The following DIP2A variants were observed in gnomAD, a reference collection of about 807,000 sequenced individuals.
DIP2A encodes DIP2 acetate--CoA ligase A.
DIP2A carries 85 observed loss-of-function variants against 177.4 expected under a neutral mutation model. The observed-to-expected ratio is 0.48, with a 90% confidence interval of 0.40 to 0.57. DIP2A has a LOEUF of 0.57. DIP2A is among the 20% of genes least tolerant of loss of function. DIP2A has a pLI of 0.00. For synonymous variants in DIP2A, 886 were observed against 881.8 expected, an observed-to-expected ratio of 1.00 and a Z score of -0.08; for missense variants, 1,791 against 2,100.2, an observed-to-expected ratio of 0.85 and a Z score of 2.88.
At position 46,478,120 on chromosome 21, in the gene DIP2A, G is replaced by A. The variant is rs117875131; in HGVS notation, c.92-6637G>A. On this transcript the variant is annotated intron_variant, in intron 1 of 37. Coordinates refer to ENST00000417564, the MANE Select transcript of DIP2A (RefSeq NM_015151.4). ...AAGTCTGCCCTTTTAATTTTATTTT[G>A]TTTTTCAAGCTTGATTTAGCTAATC... 8.6e-3 allele frequency among the ~76,000 whole-genome samples: 1,310 copies of A among 151,816 alleles called. 8 individuals carry two copies. The highest frequency in any genetic ancestry group is 0.014 in the Non-Finnish European group (978 of 67,922).
intron 33 of DIP2A, chr21:46,561,268 T>C: frequency 3.6e-6 from 1 of 274,786 alleles, no homozygotes; most frequent in Non-Finnish European, 7.1e-6. Context: ...CAAGAACGTT[T>C]CTTACCTGAT....
intron 6 of DIP2A, among the ~76,000 whole-genome samples, chr21:46,507,372 T>G (rs1462002374): frequency 6.6e-6 from 1 of 152,232 alleles, no homozygotes; most frequent in Non-Finnish European, 1.5e-5. Flanking sequence ...ATAGTTCATT[T>G]TGAGTTAATT....
intron 23 of DIP2A, 117 bp downstream of exon 23, chr21:46,550,861 G>T: frequency 9.3e-7 from 1 of 1,080,540 alleles, no homozygotes; most frequent in South Asian, 1.5e-5. Flanking sequence ...CTTTGGGGCT[G>T]GGGTCAAGAG....
chr21:46,554,703 C>T lies in DIP2A; in HGVS notation c.3276+7C>T. 6.4e-7 allele frequency: 1 copy of T among 1,561,574 alleles called. No homozygotes were observed. ...CGTCAAGATGATCGTGGAGGTGCGC[C>T]TACCTGGCCCGCGGGTCAGAGTCTG... On this transcript the variant is annotated splice_region_variant and intron_variant, in intron 27 of 37. Coordinates refer to ENST00000417564, the MANE Select transcript of DIP2A (RefSeq NM_015151.4).
At chr21:46,499,792 C>T (rs1267358281) in intron 5 of DIP2A, among the ~76,000 whole-genome samples, 1 of 152,168 alleles carries the variant, frequency 6.6e-6, no homozygotes, top group Non-Finnish European at 1.5e-5. Context: ...TCATCTTAAT[C>T]CCCTCCTTTT....
downstream of DIP2A, among the ~76,000 whole-genome samples, chr21:46,572,564 C>T (rs543960586): frequency 3.9e-5 from 6 of 152,222 alleles, no homozygotes; most frequent in Admixed American, 3.3e-4. Context: ...GGGCTGATGG[C>T]TTTGTAAGAA....
In DIP2A at chr21:46,567,726, T is replaced by C. The variant is rs1264163037; in HGVS notation, c.*104T>C. The stretch of plus-strand genomic sequence containing the variant: ...CTCACTCACCGGGACTCGCCCTTCC[T>C]GTGCTCTTACAGATCCCTCTCAACA... On this transcript the variant is annotated 3_prime_UTR_variant, in exon 38 of 38. Transcript: ENST00000417564. 5.7e-6 allele frequency: 8 copies of C among 1,407,588 alleles called. No individual in the cohort carries two copies. In the East Asian group the frequency reaches 1.7e-4, roughly 29 times the overall value. The allele number at this position is 1,407,588 out of a possible 1,614,324, so 87.2% of individuals were successfully genotyped here.
intron 18 of DIP2A, among the ~76,000 whole-genome samples, chr21:46,544,079 C>G (rs554942091): frequency 1.4e-4 from 22 of 152,004 alleles, no homozygotes; most frequent in Non-Finnish European, 3.2e-4. Context: ...GGACCACAGC[C>G]CATTCATTTG....
intron 25 of DIP2A, among the ~76,000 whole-genome samples, 170 bp downstream of exon 25, chr21:46,552,074 C>T (rs2060295147): frequency 6.6e-6 from 1 of 152,174 alleles, no homozygotes; most frequent in Non-Finnish European, 1.5e-5. Context: ...AGCAGGGTGC[C>T]TGTGGACTCA....
chr21:46,461,763 C>A (rs532884604), intron 1 of DIP2A, among the ~76,000 whole-genome samples: 1 of 151,732 alleles, frequency 6.6e-6, no homozygotes, highest in East Asian at 1.9e-4. Context: ...AGGGGGTAAA[C>A]AAAAAAAGTA....
intron 18 of DIP2A, among the ~76,000 whole-genome samples, chr21:46,543,577 C>T (rs1291013361): frequency 6.6e-6 from 1 of 152,276 alleles, no homozygotes; most frequent in Non-Finnish European, 1.5e-5. Flanking sequence ...ACCCCTGTTT[C>T]CCATGACCCT....
chr21:46,504,103 A>C (rs1314559598), intron 5 of DIP2A, among the ~76,000 whole-genome samples: 1 of 152,210 alleles, frequency 6.6e-6, no homozygotes, highest in African/African-American at 2.4e-5. Flanking sequence ...CTCTGTGCTG[A>C]AGATGGTGGT....
chr21:46,570,727 AT>A (rs2060953988), downstream of DIP2A, among the ~76,000 whole-genome samples: 5 of 152,282 alleles, frequency 3.3e-5, no homozygotes, highest in South Asian at 1.0e-3. Flanking sequence ...AACCTCCAGT[AT>A]TTGCCTGGTT....
At chr21:46,536,675 G>A (rs972070015) in intron 13 of DIP2A, among the ~76,000 whole-genome samples, 12 of 152,138 alleles carry the variant, frequency 7.9e-5, no homozygotes, top group African/African-American at 2.7e-4. Context: ...AGGCTGAGAC[G>A]GGCAGATCAC....
rs748948901 is a variant in DIP2A at position 46,567,391 on chromosome 21, CCTG to C, written c.4489_4491del (p.Leu1497del). 11 of 1,613,398 alleles carry C rather than the reference CCTG, an allele frequency of 6.8e-6. No individual in the cohort carries two copies. The Admixed American group carries it at 1.5e-4, about 22-fold the overall frequency. ...GCAGTGCCGTATTCACCTGGACCAA[CCTG>C]CTGGTGGTGGTGGTGGAGCTGGATG... On this transcript the variant is annotated inframe_deletion, in exon 38 of 38. Coordinates refer to ENST00000417564, the MANE Select transcript of DIP2A (RefSeq NM_015151.4).
intron 1 of DIP2A, among the ~76,000 whole-genome samples, chr21:46,480,828 G>GC (rs1348299812): frequency 1.3e-5 from 2 of 152,216 alleles, no homozygotes; most frequent in East Asian, 3.8e-4. Flanking sequence ...ATTGGAACCT[G>GC]CCGGGCCCTT....
In DIP2A at chr21:46,545,956, G is replaced by T. The variant is rs778443773; in HGVS notation, c.2389G>T (p.Gly797Trp). Residue 797 changes from glycine to tryptophan, a missense_variant, in exon 20 of 38, where the codon GGG (glycine) becomes TGG (tryptophan). Gly to Trp is a radical substitution (Grantham distance 184). Coordinates refer to ENST00000417564, the MANE Select transcript of DIP2A (RefSeq NM_015151.4). The part of the protein sequence containing the change: ...FTRTGLLGFI[G>W]PDNLVFIVGK... Reference sequence around the variant, plus strand: ...CAGGACAGGCCTGCTGGGCTTCATCGGGCCTGTGAGTATGTCCTCCTGTAC... The same window carrying T: ...CAGGACAGGCCTGCTGGGCTTCATCTGGCCTGTGAGTATGTCCTCCTGTAC... 2 of 1,613,936 alleles carry T rather than the reference G, an allele frequency of 1.2e-6. No individual in the cohort carries two copies. Among genetic ancestry groups the T allele is most frequent in the Non-Finnish European group, 1.7e-6 (2 of 1,179,886 alleles).
chr21:46,550,423 A>C, intron 22 of DIP2A, 120 bp from the exon 23 acceptor site: 1 of 901,602 alleles, frequency 1.1e-6, no homozygotes, highest in Non-Finnish European at 1.7e-6. Flanking sequence ...AAGTGTCCAG[A>C]GGGCATTCCA....
chr21:46,463,805 T>C (rs930424365), intron 1 of DIP2A, among the ~76,000 whole-genome samples: 1 of 150,722 alleles, frequency 6.6e-6, no homozygotes, highest in African/African-American at 2.4e-5. Flanking sequence ...ACCTCCCGGG[T>C]TCAAGCAATT....
Sources: gnomAD v4.1 joint callset for allele counts (sites outside exome capture counted in the v4.1 genomes callset) on GRCh38, gnomAD v4.1.1 for gene constraint, MANE v1.5 for transcripts, NCBI Gene and HGNC (gene_info 2026-07-23, HGNC 2026-07-21) for gene names.